Variants in ELFN2 observed in about 807,000 individuals in gnomAD.
ELFN2 encodes extracellular leucine rich repeat and fibronectin type III domain containing 2, also known as protein phosphatase 1 regulatory subunit 29.
Under a neutral mutation model 45.5 loss-of-function variants are expected in ELFN2, and 17 were observed. The observed-to-expected ratio is 0.37, with a 90% CI of 0.26 to 0.56. ELFN2 has a LOEUF of 0.56. ELFN2 is among the 20% of genes least tolerant of loss of function. ELFN2 has a pLI of 0.77. For synonymous variants in ELFN2, 550 were observed against 551.5 expected, an observed-to-expected ratio of 1.00 and a Z score of 0.04; for missense variants, 922 against 1,183.2, an observed-to-expected ratio of 0.78 and a Z score of 3.24.
intron 2 of ELFN2, among the ~76,000 whole-genome samples, chr22:37,391,304 T>C (rs562885672): frequency 1.3e-5 from 2 of 152,064 alleles, no homozygotes; most frequent in African/African-American, 4.8e-5. Flanking sequence ...AAAGACCAAG[T>C]GTGGACAGTC....
chr22:37,419,269 A>G lies in ELFN2; in HGVS notation c.-613-1350T>C, dbSNP rs559754320. The stretch of plus-strand genomic sequence containing the variant: ...CTCCCAGGCCTAGCTGGGAGCACAC[A>G]ATTGACCCTCAGCCCCTCAGCCAGC... On this transcript the variant is annotated intron_variant, in intron 1 of 2. Coordinates refer to ENST00000402918, the MANE Select transcript of ELFN2 (RefSeq NM_052906.5). 1.6e-4 allele frequency among the ~76,000 whole-genome samples: 25 copies of G among 151,858 alleles called. No homozygotes were observed. The South Asian group carries it at 3.8e-3, about 23-fold the overall frequency.
Position 37,374,320 on chromosome 22 carries a change from G to A in ELFN2, c.1215C>T (p.Leu405=). 7.4e-6 allele frequency: 12 copies of A among 1,613,960 alleles called. No individual in the cohort carries two copies. The highest frequency in any genetic ancestry group is 1.0e-5 in the Non-Finnish European group (12 of 1,179,958). The change falls in exon 3 of 3, where the codon CTC becomes CTT. Residue 405 remains leucine (L), a synonymous_variant. Coordinates refer to ENST00000402918, the MANE Select transcript of ELFN2 (RefSeq NM_052906.5). The part of the protein sequence containing the change: ...THYIMTILGC[L]FGMVIVLGAV... Reference sequence around the variant, plus strand: ...CTCCCAGCACGATAACCATGCCAAAGAGGCAGCCCAGGATGGTCATGATGT... The same window carrying A: ...CTCCCAGCACGATAACCATGCCAAAAAGGCAGCCCAGGATGGTCATGATGT...
intron 1 of ELFN2, among the ~76,000 whole-genome samples, chr22:37,345,730 T>G (rs1258487459): frequency 6.6e-6 from 1 of 152,076 alleles, no homozygotes; most frequent in African/African-American, 2.4e-5. Context: ...GTATTTTTAG[T>G]AGGGACAGGG....
chr22:37,402,487 C>T (rs933768640), intron 2 of ELFN2, among the ~76,000 whole-genome samples: 3 of 152,198 alleles, frequency 2.0e-5, no homozygotes, highest in Non-Finnish European at 4.4e-5. Flanking sequence ...GTTCTTGCCT[C>T]TCAAAAGCCT....
chr22:37,409,539 A>C (rs1475699340), intron 2 of ELFN2, among the ~76,000 whole-genome samples: 1 of 152,242 alleles, frequency 6.6e-6, no homozygotes, highest in Non-Finnish European at 1.5e-5. Flanking sequence ...CTCAGCCAAC[A>C]GCGAGAGGAG....
intron 2 of ELFN2, among the ~76,000 whole-genome samples, chr22:37,410,832 T>G (rs1932630499): frequency 6.6e-6 from 1 of 152,062 alleles, no homozygotes; most frequent in Admixed American, 6.6e-5. Context: ...CCAAAGCCCA[T>G]CGGCTCCTTC....
chr22:37,414,030 G>A (rs1228086198), intron 2 of ELFN2, among the ~76,000 whole-genome samples: 1 of 152,186 alleles, frequency 6.6e-6, no homozygotes, highest in Non-Finnish European at 1.5e-5. Flanking sequence ...CTGTCCTCTT[G>A]TATAAAATGG....
chr22:37,354,333 G>A (rs1309575360), intron 1 of ELFN2: 1 of 152,148 alleles, frequency 6.6e-6, no homozygotes, highest in African/African-American at 2.4e-5. Context: ...AATATCTATT[G>A]TTTTGATAGG....
intron 2 of ELFN2, among the ~76,000 whole-genome samples, chr22:37,407,332 T>C (rs181146975): frequency 3.9e-4 from 59 of 152,176 alleles, no homozygotes; most frequent in African/African-American, 1.4e-3. Flanking sequence ...GGGCCACTTA[T>C]TCTTCAACAA....
At chr22:37,394,118 C>T (rs941769244) in intron 2 of ELFN2, among the ~76,000 whole-genome samples, 1 of 152,144 alleles carries the variant, frequency 6.6e-6, no homozygotes, top group African/African-American at 2.4e-5. Context: ...TGACTGTGGG[C>T]CCCTTACTGA....
intron 2 of ELFN2, among the ~76,000 whole-genome samples, chr22:37,394,847 G>A (rs1020508668): frequency 6.6e-6 from 1 of 152,190 alleles, no homozygotes; most frequent in Non-Finnish European, 1.5e-5. Flanking sequence ...GCTCACGCCT[G>A]TAATCCCAAC....
intron 1 of ELFN2, chr22:37,353,753 A>G (rs1246070993): frequency 6.6e-6 from 1 of 151,072 alleles, no homozygotes; most frequent in African/African-American, 2.4e-5. Context: ...CGCAAAAGCT[A>G]CAACCCAGCC....
At chr22:37,420,943 C>G (rs1451838167) in intron 1 of ELFN2, among the ~76,000 whole-genome samples, 2 of 152,136 alleles carry the variant, frequency 1.3e-5, no homozygotes, top group Admixed American at 1.3e-4. Flanking sequence ...GAACATGCAG[C>G]TGCCATCCAA....
intron 2 of ELFN2, among the ~76,000 whole-genome samples, chr22:37,406,283 C>A (rs1029701585): frequency 6.6e-6 from 1 of 152,232 alleles, no homozygotes; most frequent in African/African-American, 2.4e-5. Flanking sequence ...CAAGTGACAG[C>A]AGTTACGATC....
downstream of ELFN2, among the ~76,000 whole-genome samples, chr22:37,364,319 G>C (rs548365823): frequency 2.0e-5 from 3 of 152,290 alleles, no homozygotes; most frequent in Non-Finnish European, 2.9e-5. Flanking sequence ...ACAGGGCCAC[G>C]GGGCAGCCTC....
chr22:37,366,362 G>C (rs74711585), downstream of ELFN2, among the ~76,000 whole-genome samples: 2 of 152,190 alleles, frequency 1.3e-5, no homozygotes, highest in African/African-American at 4.8e-5. Context: ...CATCCCGGAG[G>C]ACACTTCCAC....
chr22:37,341,581 A>C (rs1199658164), intron 2 of ELFN2, among the ~76,000 whole-genome samples: 1 of 152,114 alleles, frequency 6.6e-6, no homozygotes, highest in Admixed American at 6.5e-5. Context: ...GGTTTCCCGG[A>C]TGGTTCTATT....
At chr22:37,361,017 C>T (rs1050616029) in intron 1 of ELFN2, among the ~76,000 whole-genome samples, 2 of 152,218 alleles carry the variant, frequency 1.3e-5, no homozygotes, top group South Asian at 4.1e-4. Context: ...GGTTACTTCC[C>T]GCCTTTAACC....
rs2145632477 is a variant in ELFN2 at position 37,372,199 on chromosome 22, T to C, written c.*873A>G. On this transcript the variant is annotated 3_prime_UTR_variant, in exon 3 of 3. Transcript: ENST00000402918. The surrounding 1 kb of genome is among the most constrained non-coding windows in gnomAD (Gnocchi z 4.4). ...CACGTGGAAGACACTTGAAGTGGGC[T>C]GGTGGAATGTCGCCCTGCCTCGGCT... 6.5e-6 allele frequency: 1 copy of C among 152,708 alleles called. No homozygotes were observed. Among genetic ancestry groups the C allele is most frequent in the African/African-American group, 2.4e-5 (1 of 41,562 alleles). 9.5% of individuals were successfully genotyped at this position (152,708 alleles called of 1,614,324 possible). A position where few individuals can be genotyped will look rare whatever the true frequency, so the allele number is the denominator to read the frequency against.
Sources: allele counts gnomAD v4.1 joint callset (sites outside exome capture counted in the v4.1 genomes callset), GRCh38; gene constraint gnomAD v4.1.1; non-coding constraint Gnocchi (gnomAD v3.1); transcripts MANE v1.5; gene names NCBI Gene and HGNC (gene_info 2026-07-23, HGNC 2026-07-21).